CNTNAP2: variants seen among roughly 807,000 people sequenced by gnomAD.
CNTNAP2 encodes contactin-associated protein-like 2.
CNTNAP2 carries 98 observed loss-of-function variants against 155.2 expected under a neutral mutation model. The ratio of observed to expected loss-of-function variants is 0.63; its 90% CI spans 0.54 to 0.75. The LOEUF is 0.75. Ranked by LOEUF, CNTNAP2 falls within the 30% of genes least tolerant of loss-of-function variation. The pLI, the probability that CNTNAP2 is intolerant of heterozygous loss-of-function variation, is 0.00. For missense variants in CNTNAP2, 1,727 were observed against 1,688.1 expected, an observed-to-expected ratio of 1.02 and a Z score of -0.40; for synonymous variants, 651 against 631.2, an observed-to-expected ratio of 1.03 and a Z score of -0.47.
chr7:146,797,875 G>A (rs978339904), intron 2 of CNTNAP2, among the ~76,000 whole-genome samples: 3 of 152,182 alleles, frequency 2.0e-5, no homozygotes, highest in Non-Finnish European at 4.4e-5. Flanking sequence ...TATTTCAGGT[G>A]TAACTATGTA....
chr7:146,590,024 A>G (rs1405335162), intron 1 of CNTNAP2, among the ~76,000 whole-genome samples: 1 of 152,190 alleles, frequency 6.6e-6, no homozygotes, highest in Non-Finnish European at 1.5e-5. Flanking sequence ...GACTCTGTCT[A>G]CGGAGGAATG....
chr7:147,481,258 A>T (rs1798418131), intron 10 of CNTNAP2, among the ~76,000 whole-genome samples: 1 of 152,204 alleles, frequency 6.6e-6, no homozygotes, highest in Non-Finnish European at 1.5e-5. Context: ...CATTTTTTAG[A>T]TTTGAAATAA....
chr7:146,721,742 A>ACATATATAGAC (rs1801327609), intron 1 of CNTNAP2, among the ~76,000 whole-genome samples: 1 of 128,314 alleles, frequency 7.8e-6, no homozygotes, highest in African/African-American at 3.2e-5. Flanking sequence ...TATATATTCT[A>ACATATATAGAC]TATATATATT....
chr7:146,628,745 C>A (rs575040902), intron 1 of CNTNAP2, among the ~76,000 whole-genome samples: 11 of 152,124 alleles, frequency 7.2e-5, no homozygotes, highest in Admixed American at 3.9e-4. Flanking sequence ...TATATGAGCA[C>A]AGAAGGACCT....
At chr7:147,530,575 C>T (rs1469293918) in intron 11 of CNTNAP2, among the ~76,000 whole-genome samples, 1 of 152,128 alleles carries the variant, frequency 6.6e-6, no homozygotes, top group Non-Finnish European at 1.5e-5. Flanking sequence ...GACTTATTGA[C>T]TACCACAAAA....
chr7:147,238,940 A>G (rs914534686), intron 8 of CNTNAP2, among the ~76,000 whole-genome samples: 1 of 152,188 alleles, frequency 6.6e-6, no homozygotes, highest in Admixed American at 6.5e-5. Context: ...GTCTTGCCCT[A>G]GGGTAGACCA....
At chr7:146,846,567 A>C (rs73740880) in intron 3 of CNTNAP2, among the ~76,000 whole-genome samples, 5,653 of 152,252 alleles carry the variant, frequency 0.037, 350 homozygotes, top group African/African-American at 0.13. Flanking sequence ...ACTGTAATGC[A>C]TCTACTAGTG....
At chr7:148,212,694 G>A (rs946070670) in intron 18 of CNTNAP2, among the ~76,000 whole-genome samples, 2 of 152,182 alleles carry the variant, frequency 1.3e-5, no homozygotes, top group African/African-American at 2.4e-5. Flanking sequence ...TCATTCAGAA[G>A]AGATGAGAGA....
intron 4 of CNTNAP2, 25 bp from the exon 5 acceptor site, chr7:147,108,122 T>C: frequency 3.8e-6 from 6 of 1,574,128 alleles, no homozygotes; most frequent in Non-Finnish European, 5.2e-6. Flanking sequence ...GCTGAACTAA[T>C]ATGTTATTTT....
chr7:148,209,752 G>A (rs1795510839), intron 18 of CNTNAP2, among the ~76,000 whole-genome samples: 3 of 152,076 alleles, frequency 2.0e-5, no homozygotes, highest in African/African-American at 7.2e-5. Context: ...TGTCACCTTT[G>A]CTTAAAACCT....
intron 1 of CNTNAP2, among the ~76,000 whole-genome samples, chr7:146,160,529 G>A (rs1302893100): frequency 6.6e-6 from 1 of 152,092 alleles, no homozygotes; most frequent in African/African-American, 2.4e-5. Context: ...GGATATCATT[G>A]ATCTCACAGA....
intron 2 of CNTNAP2, among the ~76,000 whole-genome samples, chr7:146,807,796 C>A (rs1422575143): frequency 6.6e-6 from 1 of 151,926 alleles, no homozygotes; most frequent in East Asian, 1.9e-4. Flanking sequence ...ATATATATGT[C>A]TCATGAGGTA....
At chr7:147,945,689 T>TTATATATATA (rs10557677) in intron 14 of CNTNAP2, among the ~76,000 whole-genome samples, 7 of 148,320 alleles carry the variant, frequency 4.7e-5, no homozygotes, top group East Asian at 4.0e-4. Flanking sequence ...ACAAAAGCCT[T>TTATATATATA]TATATATATA....
rs181202745 is a variant in CNTNAP2, at chr7:146,390,885, G to A, written c.97+273912G>A. Among the ~76,000 whole-genome samples the A allele has an allele frequency of 1.4e-4, 20 of 141,098 alleles. No individual in the cohort carries two copies. In the East Asian group the frequency reaches 4.2e-3, roughly 29 times the overall value. The allele number at this position is 141,098 out of a possible 152,430, so 92.6% of individuals were successfully genotyped here. On this transcript the variant is annotated intron_variant, in intron 1 of 23. Transcript: ENST00000361727. Reference sequence around the variant, plus strand: ...AGATTGAGACCATCCTGGCCAACATGGTGAAACCCCATCTCTACTAAAAAT... The same window carrying A: ...AGATTGAGACCATCCTGGCCAACATAGTGAAACCCCATCTCTACTAAAAAT...
chr7:146,796,561 A>G (rs1011384400), intron 2 of CNTNAP2, among the ~76,000 whole-genome samples: 3 of 152,104 alleles, frequency 2.0e-5, no homozygotes, highest in Non-Finnish European at 4.4e-5. Flanking sequence ...GAAGATAAAG[A>G]AGATCTAGCT....
intron 1 of CNTNAP2, among the ~76,000 whole-genome samples, chr7:146,230,741 C>A (rs1400369198): frequency 6.6e-6 from 1 of 152,122 alleles, no homozygotes; most frequent in Non-Finnish European, 1.5e-5. Context: ...ATTGGCCGGG[C>A]ACGGTGGCTC....
At chr7:147,326,691 G>T (rs957528948) in intron 9 of CNTNAP2, among the ~76,000 whole-genome samples, 1 of 152,178 alleles carries the variant, frequency 6.6e-6, no homozygotes, top group Non-Finnish European at 1.5e-5. Context: ...GCCAACACTT[G>T]TTATTTTCAA....
chr7:148,016,471 G>A (rs576988426), intron 15 of CNTNAP2, among the ~76,000 whole-genome samples: 81 of 152,298 alleles, frequency 5.3e-4, no homozygotes, highest in African/African-American at 1.6e-3. Flanking sequence ...CTTCAGCAGC[G>A]TTCATATCAA....
intron 12 of CNTNAP2, among the ~76,000 whole-genome samples, chr7:147,567,069 C>T (rs917770275): frequency 1.1e-4 from 17 of 152,022 alleles, no homozygotes; most frequent in African/African-American, 7.2e-5. Context: ...CACTAGAATG[C>T]GGGGAACATG....
Sources: gnomAD v4.1 joint callset for allele counts (sites outside exome capture counted in the v4.1 genomes callset) on GRCh38, gnomAD v4.1.1 for gene constraint, MANE v1.5 for transcripts, NCBI Gene and HGNC (gene_info 2026-07-23, HGNC 2026-07-21) for gene names.